PDE3B: variants seen among roughly 807,000 people sequenced by gnomAD.
PDE3B encodes cGMP-inhibited 3',5'-cyclic phosphodiesterase 3B.
In PDE3B, 66 loss-of-function variants were observed where a neutral mutation model predicts 116.8. That is an observed-to-expected ratio of 0.56 (90% CI 0.46 to 0.69). The LOEUF is 0.69. Ranked by LOEUF, PDE3B falls within the 30% of genes least tolerant of loss-of-function variation. PDE3B has a pLI of 0.00. For missense variants in PDE3B, 1,384 were observed against 1,368.1 expected, an observed-to-expected ratio of 1.01 and a Z score of -0.18; for synonymous variants, 595 against 533.6, an observed-to-expected ratio of 1.12 and a Z score of -1.59.
intron 9 of PDE3B, among the ~76,000 whole-genome samples, chr11:14,832,169 C>T (rs1003001098): frequency 6.6e-6 from 1 of 152,012 alleles, no homozygotes; most frequent in Non-Finnish European, 1.5e-5. Context: ...ATGCTAGAAC[C>T]ATGGGAAAGT....
chr11:14,800,337 C>T lies in PDE3B; in HGVS notation c.1416-3607C>T, dbSNP rs113826397. On this transcript the variant is annotated intron_variant, in intron 4 of 15. Transcript: ENST00000282096. ...AAAGTTAGCTGGGCGTGGTGGTGCG[C>T]GCCTGTAATCGCAACTACTCAGGAG... Among the ~76,000 whole-genome samples, 415 of 152,156 alleles carry T rather than the reference C, an allele frequency of 2.7e-3. 1 individual carries two copies. Among genetic ancestry groups the T allele is most frequent in the African/African-American group, 8.2e-3 (340 of 41,490 alleles).
In PDE3B at chr11:14,644,437, C is replaced by T. The variant is rs1853310748; in HGVS notation, c.362C>T (p.Pro121Leu). The T allele has an allele frequency of 1.2e-6, 2 of 1,612,952 alleles. No individual in the cohort carries two copies. The highest frequency in any genetic ancestry group is 1.1e-5 in the South Asian group (1 of 90,998). ...AGCGTGTGTTCGCACAGCTTGAGCC[C>T]CCTCTTCAGCATCGCCTGTGCCTTC... The part of the protein sequence containing the change: ...LLSVCSHSLS[P>L]LFSIACAFFF... Residue 121 changes from proline to leucine, a missense_variant, in exon 1 of 16, where the codon CCC becomes CTC. Transcript: ENST00000282096.
intron 1 of PDE3B, among the ~76,000 whole-genome samples, chr11:14,668,318 G>T (rs1158758135): frequency 6.6e-6 from 1 of 152,070 alleles, no homozygotes; most frequent in Non-Finnish European, 1.5e-5. Context: ...ACAATCTAAG[G>T]ACACTTGGTT....
chr11:14,769,677 T>G (rs900365141), intron 1 of PDE3B, among the ~76,000 whole-genome samples: 4 of 147,786 alleles, frequency 2.7e-5, no homozygotes, highest in Non-Finnish European at 6.0e-5. Flanking sequence ...ATACATATAT[T>G]ATATATATGT....
intron 1 of PDE3B, among the ~76,000 whole-genome samples, chr11:14,738,137 A>G (rs1856655949): frequency 6.6e-6 from 1 of 152,168 alleles, no homozygotes; most frequent in African/African-American, 2.4e-5. Context: ...TATACCCAGT[A>G]GTGGGATGGC....
intron 1 of PDE3B, 36 bp from the exon 2 acceptor site, chr11:14,771,901 T>C (rs1049720273): frequency 5.0e-6 from 5 of 1,009,818 alleles, no homozygotes; most frequent in Admixed American, 2.9e-5. Flanking sequence ...TTTTTGTTTA[T>C]TTTTGGTTTG....
At chr11:14,787,915 T>C (rs762711159) in intron 3 of PDE3B, among the ~76,000 whole-genome samples, 9 of 151,864 alleles carry the variant, frequency 5.9e-5, no homozygotes, top group Non-Finnish European at 1.0e-4. Context: ...ATTCTTAAAA[T>C]TTTTAATCAG....
intron 1 of PDE3B, among the ~76,000 whole-genome samples, chr11:14,721,838 G>A (rs1357924234): frequency 6.7e-5 from 9 of 133,706 alleles, no homozygotes; most frequent in Non-Finnish European, 4.7e-5. Context: ...TGACGAGTTA[G>A]TGGGTGCAGC....
chr11:14,769,831 A>G (rs1590129411), intron 1 of PDE3B, among the ~76,000 whole-genome samples: 1 of 146,714 alleles, frequency 6.8e-6, no homozygotes, highest in Non-Finnish European at 1.5e-5. Flanking sequence ...ACCAGCTACC[A>G]CTTGCTTGGA....
chr11:14,844,793 C>T (rs190258616), intron 12 of PDE3B, among the ~76,000 whole-genome samples: 13 of 152,354 alleles, frequency 8.5e-5, no homozygotes, highest in African/African-American at 2.6e-4. Context: ...AAAGGGCGCC[C>T]GCCATTGCCC....
intron 11 of PDE3B, among the ~76,000 whole-genome samples, chr11:14,837,014 A>G (rs962432086): frequency 6.6e-6 from 1 of 152,186 alleles, no homozygotes; most frequent in African/African-American, 2.4e-5. Context: ...GGGTTTCACC[A>G]TGTTGCCCAG....
At chr11:14,881,810 C>T in the PDE3B span, among the ~76,000 whole-genome samples, 162 of 152,156 alleles carry the variant, frequency 1.1e-3, 1 homozygote, top group Non-Finnish European at 1.8e-3. Flanking sequence ...AAGCAGATGC[C>T]AGCACCATGC....
chr11:14,714,997 T>C (rs985598856), intron 1 of PDE3B, among the ~76,000 whole-genome samples: 5 of 152,178 alleles, frequency 3.3e-5, no homozygotes, highest in Non-Finnish European at 5.9e-5. Context: ...AATTTTGATA[T>C]TGCCAATTCT....
chr11:14,692,645 C>T (rs760190480), intron 1 of PDE3B, among the ~76,000 whole-genome samples: 15 of 152,038 alleles, frequency 9.9e-5, no homozygotes, highest in South Asian at 2.1e-4. Flanking sequence ...TGGGGCAACA[C>T]GAATCACTGC....
intron 1 of PDE3B, among the ~76,000 whole-genome samples, chr11:14,687,602 G>A (rs538350317): frequency 6.2e-4 from 95 of 152,124 alleles, no homozygotes; most frequent in Non-Finnish European, 1.1e-3. Flanking sequence ...ATTATACCTG[G>A]GCTGTACCAA....
chr11:14,708,932 A>G (rs1266182676), intron 1 of PDE3B, among the ~76,000 whole-genome samples: 1 of 152,142 alleles, frequency 6.6e-6, no homozygotes, highest in Non-Finnish European at 1.5e-5. Flanking sequence ...TTATGTCTAA[A>G]TAAAATACTA....
intron 1 of PDE3B, among the ~76,000 whole-genome samples, chr11:14,713,032 C>T (rs1855755603): frequency 6.6e-6 from 1 of 152,108 alleles, no homozygotes; most frequent in Admixed American, 6.5e-5. Flanking sequence ...ATTTATGTAA[C>T]ATTCATTTTA....
chr11:14,658,586 A>C (rs1182293345), intron 1 of PDE3B, among the ~76,000 whole-genome samples: 1 of 151,930 alleles, frequency 6.6e-6, no homozygotes, highest in Non-Finnish European at 1.5e-5. Flanking sequence ...TGAACTCTTG[A>C]CCTCGTGATC....
chr11:14,662,577 G>C (rs1287007604), intron 1 of PDE3B, among the ~76,000 whole-genome samples: 1 of 152,124 alleles, frequency 6.6e-6, no homozygotes, highest in Non-Finnish European at 1.5e-5. Context: ...TTAGACGAAT[G>C]TATAACTAGA....
Sources: allele counts gnomAD v4.1 joint callset (sites outside exome capture counted in the v4.1 genomes callset), GRCh38; gene constraint gnomAD v4.1.1; transcripts MANE v1.5; gene names NCBI Gene and HGNC (gene_info 2026-07-23, HGNC 2026-07-21).